ATP10D: variants seen among roughly 807,000 people sequenced by gnomAD.
The protein encoded by ATP10D is ATPase phospholipid transporting 10D (putative).
Under a neutral mutation model 144.8 loss-of-function variants are expected in ATP10D, and 89 were observed. That is an observed-to-expected ratio of 0.61 (90% CI 0.52 to 0.73). The LOEUF is 0.73. ATP10D is among the 30% of genes least tolerant of loss of function. The pLI, the probability that ATP10D is intolerant of heterozygous loss-of-function variation, is 0.00. For missense variants in ATP10D, 1,603 were observed against 1,714.8 expected (o/e 0.93, Z 1.15); for synonymous variants, 571 against 615.1 (o/e 0.93, Z 1.06).
intron 3 of ATP10D, 56 bp from the exon 4 acceptor site, chr4:47,522,953 CATT>C: frequency 7.4e-7 from 1 of 1,359,206 alleles, no homozygotes; most frequent in Non-Finnish European, 1.0e-6. Flanking sequence ...TTAAAAAAAA[CATT>C]GTATGTATTT....
At chr4:47,504,711 C>T (rs993306997) in intron 1 of ATP10D, among the ~76,000 whole-genome samples, 6 of 152,104 alleles carry the variant, frequency 3.9e-5, no homozygotes, top group South Asian at 2.1e-4. Flanking sequence ...TACAGGCGCC[C>T]GCCACCACGC....
chr4:47,572,281 A>G (rs1051447110), intron 17 of ATP10D, 51 bp downstream of exon 17: 1 of 1,498,422 alleles, frequency 6.7e-7, no homozygotes, highest in East Asian at 2.3e-5. Context: ...TGCCCATCCA[A>G]AGGCAGCATT....
At chr4:47,487,093 G>A (rs1714802529) in intron 1 of ATP10D, among the ~76,000 whole-genome samples, 1 of 152,072 alleles carries the variant, frequency 6.6e-6, no homozygotes. Context: ...GCTGGGCGTG[G>A]TGGTGCATGC....
chr4:47,558,993 CAA>C lies in ATP10D; in HGVS notation c.2507_2508del (p.Lys836ThrfsTer15), dbSNP rs1350372030. ...KTQKHLDDYA[K>X]QGLRTLCIAK... ...CCCAGAAGCACTTGGATGACTATGC[CAA>C]ACAAGGCCTTCGTACTTTATGTATA... On this transcript the variant is annotated frameshift_variant, in exon 13 of 23. Transcript: ENST00000273859. LOFTEE classifies it high-confidence loss of function. 1 of 1,613,948 alleles carries C rather than the reference CAA, an allele frequency of 6.2e-7. No individual in the cohort carries two copies. The highest frequency in any genetic ancestry group is 1.3e-5 in the African/African-American group (1 of 74,912).
At chr4:47,579,337 G>A (rs932322226) in intron 19 of ATP10D, among the ~76,000 whole-genome samples, 3 of 152,142 alleles carry the variant, frequency 2.0e-5, no homozygotes, top group African/African-American at 4.8e-5. Context: ...TGTTTTAGTC[G>A]CTTGAATAAA....
At chr4:47,491,259 G>A in intron 1 of ATP10D, 1 of 828,792 alleles carries the variant, frequency 1.2e-6, no homozygotes, top group Non-Finnish European at 2.1e-6. Flanking sequence ...AGCACGCTGG[G>A]GAACTTTGTA....
chr4:47,517,224 G>C (rs1016143779), intron 3 of ATP10D, among the ~76,000 whole-genome samples: 3 of 152,002 alleles, frequency 2.0e-5, no homozygotes, highest in African/African-American at 4.8e-5. Flanking sequence ...GACCAGCCTG[G>C]GCAACATGGC....
At chr4:47,590,243 A>G (rs981182229) in intron 22 of ATP10D, among the ~76,000 whole-genome samples, 1 of 152,122 alleles carries the variant, frequency 6.6e-6, no homozygotes, top group African/African-American at 2.4e-5. Flanking sequence ...GTCCTGATTT[A>G]CTGCTTATAG....
chr4:47,501,428 CTTTAT>C (rs1715674925), intron 1 of ATP10D, among the ~76,000 whole-genome samples: 1 of 152,106 alleles, frequency 6.6e-6, no homozygotes, highest in Admixed American at 6.5e-5. Flanking sequence ...ATTTATTTAA[CTTTAT>C]TTTTTCAAAT....
In ATP10D at chr4:47,485,341, GC is replaced by G. The variant is rs543855652; in HGVS notation, c.-215del. The G allele has an allele frequency of 6.6e-6, 1 of 152,420 alleles. No individual in the cohort carries two copies. Among genetic ancestry groups the G allele is most frequent in the South Asian group, 2.1e-4 (1 of 4,828 alleles). 9.4% of individuals were successfully genotyped at this position (152,420 alleles called of 1,614,324 possible). On this transcript the variant is annotated 5_prime_UTR_variant, in exon 1 of 23. Coordinates refer to ENST00000273859, the MANE Select transcript of ATP10D (RefSeq NM_020453.4). Reference sequence around the variant, plus strand: ...GGTTGCGAGCTCAGCACAGGCTCCGGCGCTGGCTCCCGCAGCTGAGTTTGGG... The same window carrying G: ...GGTTGCGAGCTCAGCACAGGCTCCGGGCTGGCTCCCGCAGCTGAGTTTGGG...
At chr4:47,497,420 A>G (rs929992176) in intron 1 of ATP10D, among the ~76,000 whole-genome samples, 4 of 152,028 alleles carry the variant, frequency 2.6e-5, no homozygotes, top group African/African-American at 4.8e-5. Context: ...GCGCCGTTGC[A>G]CTCCAGCCTG....
rs147732532 is a variant in ATP10D at position 47,503,290 on chromosome 4, T to C, written c.-37-9214T>C. On this transcript the variant is annotated intron_variant, in intron 1 of 22. Coordinates refer to ENST00000273859, the MANE Select transcript of ATP10D (RefSeq NM_020453.4). ...TCCCTCAGTCTGAGTGAGAGGCTGC[T>C]TCTGTGATGTAGAACAGCATCTTCT... Among the ~76,000 whole-genome samples, 1,205 of 152,308 alleles carry C rather than the reference T, an allele frequency of 7.9e-3. 21 individuals are homozygous for C. The highest frequency in any genetic ancestry group is 0.027 in the African/African-American group (1,140 of 41,576).
rs144708689 is a variant in ATP10D at position 47,513,514 on chromosome 4, G to A, written c.290+684G>A. Among the ~76,000 whole-genome samples, 1,202 of 152,314 alleles carry A rather than the reference G, an allele frequency of 7.9e-3. 21 individuals carry two copies. The highest frequency in any genetic ancestry group is 0.037 in the Admixed American group (569 of 15,296). ...AATGGTAACTGGAGCAATAGAAGGG[G>A]AAGTGACATTTGACTTAATAACAGA... On this transcript the variant is annotated intron_variant, in intron 2 of 22. Transcript: ENST00000273859.
chr4:47,487,178 G>A (rs1714809549), intron 1 of ATP10D, among the ~76,000 whole-genome samples: 1 of 144,680 alleles, frequency 6.9e-6, no homozygotes, highest in African/African-American at 2.6e-5. Flanking sequence ...GCTGTGAGTC[G>A]AGATCGGGCC....
At chr4:47,514,832 ACT>A (rs1228668953) in intron 2 of ATP10D, among the ~76,000 whole-genome samples, 4 of 152,034 alleles carry the variant, frequency 2.6e-5, no homozygotes, top group Admixed American at 1.3e-4. Flanking sequence ...TACCACATGA[ACT>A]CTGAATTTCT....
intron 10 of ATP10D, among the ~76,000 whole-genome samples, chr4:47,551,266 T>A (rs989161233): frequency 4.6e-5 from 7 of 152,144 alleles, no homozygotes; most frequent in African/African-American, 1.7e-4. Context: ...ATAATAGGAA[T>A]TATGAGGGTA....
chr4:47,584,632 G>A (rs909909805), intron 21 of ATP10D, among the ~76,000 whole-genome samples: 1 of 152,172 alleles, frequency 6.6e-6, no homozygotes, highest in Admixed American at 6.5e-5. Flanking sequence ...TCCTGGTCTC[G>A]TGATCCACCC....
intron 3 of ATP10D, among the ~76,000 whole-genome samples, chr4:47,518,643 G>A (rs1716800826): frequency 6.6e-6 from 1 of 152,146 alleles, no homozygotes; most frequent in Admixed American, 6.5e-5. Context: ...AACATTTTAG[G>A]ATTATCTTAT....
At chr4:47,575,839 T>C (rs1428680008) in intron 18 of ATP10D, among the ~76,000 whole-genome samples, 1 of 152,078 alleles carries the variant, frequency 6.6e-6, no homozygotes, top group Non-Finnish European at 1.5e-5. Flanking sequence ...GGTCAGGTTC[T>C]GGTGCGGGTT....
Sources: allele counts gnomAD v4.1 joint callset (sites outside exome capture counted in the v4.1 genomes callset), GRCh38; gene constraint gnomAD v4.1.1; transcripts MANE v1.5; gene names NCBI Gene and HGNC (gene_info 2026-07-23, HGNC 2026-07-21).